FECH: variants seen among roughly 807,000 people sequenced by gnomAD.
FECH encodes the protein ferrochelatase, mitochondrial.
Under a neutral mutation model 56.9 loss-of-function variants are expected in FECH, and 40 were observed. The ratio of observed to expected loss-of-function variants is 0.70; its 90% CI spans 0.55 to 0.92. The LOEUF is 0.92. Among genes scored for constraint, FECH ranks in the 40% least tolerant of loss-of-function variants. FECH has a pLI of 0.00. For synonymous variants in FECH, 175 were observed against 198.6 expected (o/e 0.88, Z 1.00); for missense variants, 431 against 529.1 (o/e 0.81, Z 1.82).
Position 57,579,315 on chromosome 18 carries a change from A to G in FECH, c.194+758T>C, listed in dbSNP as rs185634102. 4.0e-3 allele frequency among the ~76,000 whole-genome samples: 460 copies of G among 116,314 alleles called. 2 individuals carry two copies. The highest frequency in any genetic ancestry group is 0.013 in the Middle Eastern group (3 of 228). The allele number at this position is 116,314 out of a possible 152,430, so 76.3% of individuals were successfully genotyped here. A position where few individuals can be genotyped will look rare whatever the true frequency, so the allele number is the denominator to read the frequency against. On this transcript the variant is annotated intron_variant, in intron 2 of 10. Coordinates refer to ENST00000262093, the MANE Select transcript of FECH (RefSeq NM_000140.5). ...TGTGTGTGTGTGTGTGTGTGTGTGT[A>G]TATATTCATACCTGTATAATTTTCA...
intron 1 of FECH, among the ~76,000 whole-genome samples, chr18:57,585,642 C>G (rs1047065884): frequency 1.3e-5 from 2 of 152,184 alleles, no homozygotes; most frequent in Non-Finnish European, 2.9e-5. Context: ...GGGATTCCCT[C>G]CACTCCAAGT....
chr18:57,564,428 A>G (rs572430842), intron 5 of FECH, among the ~76,000 whole-genome samples: 1 of 152,294 alleles, frequency 6.6e-6, no homozygotes, highest in South Asian at 2.1e-4. Flanking sequence ...CTATGAAACC[A>G]AGTCTAACAC....
At chr18:57,573,012 TTCCAGGGCTC>T (rs2051136516) in intron 3 of FECH, 1 of 552,868 alleles carries the variant, frequency 1.8e-6, no homozygotes. Context: ...CAACTGCAAT[TTCCAGGGCTC>T]TGGGGAGCAA....
intron 4 of FECH, among the ~76,000 whole-genome samples, chr18:57,566,978 T>C (rs1300546112): frequency 6.6e-6 from 1 of 152,004 alleles, no homozygotes; most frequent in Non-Finnish European, 1.5e-5. Context: ...TTTTTAATCA[T>C]TTAAACCTGA....
At chr18:57,555,612 T>A (rs865816711) in intron 7 of FECH, among the ~76,000 whole-genome samples, 16 of 152,254 alleles carry the variant, frequency 1.1e-4, no homozygotes, top group Admixed American at 3.9e-4. Context: ...AAATATTTAC[T>A]GTGTACTGAC....
At chr18:57,557,252 T>C (rs1336480264) in intron 7 of FECH, among the ~76,000 whole-genome samples, 3 of 152,196 alleles carry the variant, frequency 2.0e-5, no homozygotes, top group African/African-American at 7.2e-5. Context: ...TCTAAAAATT[T>C]CTTCAAAATA....
At chr18:57,560,328 G>C (rs187379166) in intron 6 of FECH, among the ~76,000 whole-genome samples, 53 of 152,348 alleles carry the variant, frequency 3.5e-4, no homozygotes, top group African/African-American at 1.3e-3. Context: ...GCGTGTAAAT[G>C]ATAAAGCAAG....
intron 4 of FECH, among the ~76,000 whole-genome samples, chr18:57,569,385 A>G (rs920512998): frequency 5.9e-5 from 9 of 152,226 alleles, no homozygotes; most frequent in Non-Finnish European, 1.0e-4. Flanking sequence ...CTAAAAAACG[A>G]CAGCATGAAA....
chr18:57,583,201 C>T (rs1030212509), intron 1 of FECH, among the ~76,000 whole-genome samples: 2 of 152,120 alleles, frequency 1.3e-5, no homozygotes, highest in South Asian at 2.1e-4. Flanking sequence ...AAATGAAAAG[C>T]GTCTCCTACC....
In FECH at chr18:57,550,787, C is replaced by T; in HGVS notation, c.1197G>A (p.Leu399=). 6.2e-7 allele frequency: 1 copy of T among 1,614,144 alleles called. No homozygotes were observed. Among genetic ancestry groups the T allele is most frequent in the Middle Eastern group, 1.7e-4 (1 of 6,044 alleles). The part of the protein sequence containing the change: ...IQSNELCSKQ[L]TLSCPLCVNP... ...TGACACAGAGCGGACAGCTCAGGGT[C>T]AGCTGCTTGGAACACAGCTCGTTTG... is the stretch of plus-strand genomic sequence containing the variant. The change falls in exon 11 of 11, where the codon CTG becomes CTA. Residue 399 remains leucine (L), a synonymous_variant. Transcript: ENST00000262093.
At chr18:57,566,919 A>G (rs2051025204) in intron 4 of FECH, among the ~76,000 whole-genome samples, 1 of 152,112 alleles carries the variant, frequency 6.6e-6, no homozygotes, top group African/African-American at 2.4e-5. Flanking sequence ...ATTCTAAAAT[A>G]TAACTTCCTC....
At position 57,570,925 on chromosome 18, in the gene FECH, C is replaced by T. The variant is rs1419814619; in HGVS notation, c.463+467G>A. On this transcript the variant is annotated intron_variant, in intron 4 of 10. Coordinates refer to ENST00000262093, the MANE Select transcript of FECH (RefSeq NM_000140.5). ...ATGGTGATATTCTGAGAGCTGAAAG[C>T]ATCACTGCGAGTTGCTTACTGTCCT... is the stretch of plus-strand genomic sequence containing the variant. Among the ~76,000 whole-genome samples, 3 of 152,186 alleles carry T rather than the reference C, an allele frequency of 2.0e-5. No homozygotes were observed. The East Asian group carries it at 5.8e-4, about 29-fold the overall frequency.
At position 57,579,313 on chromosome 18, in the gene FECH, G is replaced by GTGTA. The variant is rs531089366; in HGVS notation, c.194+759_194+760insTACA. On this transcript the variant is annotated intron_variant, in intron 2 of 10. Transcript: ENST00000262093. ...TATGTGTGTGTGTGTGTGTGTGTGT[G>GTGTA]TATATATTCATACCTGTATAATTTT... 1.5e-3 allele frequency among the ~76,000 whole-genome samples: 217 copies of GTGTA among 143,824 alleles called. 2 individuals are homozygous for GTGTA. The highest frequency in any genetic ancestry group is 5.6e-3 in the African/African-American group (213 of 38,096). The allele number at this position is 143,824 out of a possible 152,430, so 94.4% of individuals were successfully genotyped here.
rs536478498 is a variant in FECH at position 57,547,414 on chromosome 18, G to T, written c.*3298C>A. Among the ~76,000 whole-genome samples the T allele has an allele frequency of 1.7e-3, 254 of 152,208 alleles. No homozygotes were observed. Among genetic ancestry groups the T allele is most frequent in the Non-Finnish European group, 2.9e-3 (200 of 67,994 alleles). ...CCTGGTGGAAGGAGATTGGAACATG[G>T]AGACAGTTCCCCCATGCTGTTCTTG... On this transcript the variant is annotated 3_prime_UTR_variant, in exon 11 of 11. Transcript: ENST00000262093.
At chr18:57,586,410 AC>A (rs1568157608) in intron 1 of FECH, 143 bp downstream of exon 1, 1 of 875,652 alleles carries the variant, frequency 1.1e-6, no homozygotes, top group African/African-American at 1.8e-5. Context: ...CTTCTCCGCG[AC>A]GCCCCTCGCC....
At chr18:57,551,427 T>C (rs1302401958) in intron 9 of FECH, 53 bp from the exon 10 acceptor site, 3 of 1,443,660 alleles carry the variant, frequency 2.1e-6, no homozygotes, top group Non-Finnish European at 1.9e-6. Flanking sequence ...TATTTTCCTT[T>C]TTTTTTCAAA....
chr18:57,556,686 G>A (rs1275218255), intron 7 of FECH, among the ~76,000 whole-genome samples: 1 of 152,052 alleles, frequency 6.6e-6, no homozygotes, highest in Non-Finnish European at 1.5e-5. Context: ...TGAGGTGGGT[G>A]GATCACCTGG....
intron 4 of FECH, among the ~76,000 whole-genome samples, chr18:57,568,914 C>A (rs185316203): frequency 6.6e-6 from 1 of 152,204 alleles, no homozygotes; most frequent in East Asian, 1.9e-4. Flanking sequence ...CATGTTAATG[C>A]CTCTCAGGAT....
chr18:57,565,332 G>A (rs1248137461), intron 5 of FECH, among the ~76,000 whole-genome samples: 2 of 152,192 alleles, frequency 1.3e-5, no homozygotes, highest in Non-Finnish European at 2.9e-5. Flanking sequence ...CAGGCTGAGT[G>A]CGGTGGCTCA....
Sources: allele counts gnomAD v4.1 joint callset (sites outside exome capture counted in the v4.1 genomes callset), GRCh38; gene constraint gnomAD v4.1.1; transcripts MANE v1.5; gene names NCBI Gene and HGNC (gene_info 2026-07-23, HGNC 2026-07-21).